Variants in RTN4IP1 observed in about 807,000 individuals in gnomAD.
The protein encoded by RTN4IP1 is reticulon 4 interacting protein 1.
Under a neutral mutation model 46.6 loss-of-function variants are expected in RTN4IP1, and 32 were observed. That is an observed-to-expected ratio of 0.69 (90% CI 0.52 to 0.92). The LOEUF (loss-of-function observed/expected upper bound fraction) is 0.92. RTN4IP1 is among the 40% of genes least tolerant of loss of function. The pLI is 0.00. For synonymous variants in RTN4IP1, 167 were observed against 161.8 expected (o/e 1.03, Z -0.24); for missense variants, 424 against 485.8 (o/e 0.87, Z 1.20).
chr6:106,607,619 T>C (rs868279088), intron 4 of RTN4IP1: 2 of 152,166 alleles, frequency 1.3e-5, no homozygotes, highest in Middle Eastern at 3.2e-3. Context: ...AGGCAAAATA[T>C]GCTGTACATC....
chr6:106,573,806 G>T (rs919472981), intron 8 of RTN4IP1, among the ~76,000 whole-genome samples: 22 of 152,164 alleles, frequency 1.4e-4, no homozygotes, highest in African/African-American at 5.1e-4. Flanking sequence ...TTAAAGGAAG[G>T]GAAAGGTAGC....
At chr6:106,619,163 A>T in intron 4 of RTN4IP1, 39 bp downstream of exon 4, 3 of 1,608,380 alleles carry the variant, frequency 1.9e-6, no homozygotes, top group Non-Finnish European at 2.5e-6. Flanking sequence ...AGAAGGAAAG[A>T]AAAGAGGTTT....
chr6:106,610,045 A>G (rs1398809029), intron 4 of RTN4IP1, among the ~76,000 whole-genome samples: 2 of 151,554 alleles, frequency 1.3e-5, no homozygotes, highest in African/African-American at 4.9e-5. Context: ...CAAAGTCCCC[A>G]AAAAGAGAGT....
intron 8 of RTN4IP1, among the ~76,000 whole-genome samples, chr6:106,575,238 AAC>A (rs1191324089): frequency 6.6e-6 from 1 of 152,220 alleles, no homozygotes; most frequent in Admixed American, 6.5e-5. Context: ...GGGCAGGCTC[AAC>A]ACCATGCTTC....
intron 5 of RTN4IP1, among the ~76,000 whole-genome samples, chr6:106,595,734 G>C (rs1433862253): frequency 1.3e-5 from 2 of 152,144 alleles, no homozygotes; most frequent in Non-Finnish European, 2.9e-5. Flanking sequence ...TTGACCTGAG[G>C]TGATCTGCCC....
rs1775519472 is a variant in RTN4IP1, at chr6:106,587,690, T to C, written c.979A>G (p.Lys327Glu). ...MLQTGVTVGS[K>E]ALKHFWKGVH... is the part of the protein sequence containing the mutation. ...ACCCTTCTTCCTACCTTTAATGCCT[T>C]TGAACCTACAGTGACTCCTGTCTGC... The change falls in exon 7 of 9, where the codon AAG becomes GAG. Residue 327 changes from lysine (K) to glutamate (E), a missense_variant. Transcript: ENST00000369063. The C allele has an allele frequency of 6.8e-6, 11 of 1,611,586 alleles. No homozygotes were observed. In the East Asian group the frequency reaches 2.5e-4, roughly 36 times the overall value.
intron 5 of RTN4IP1, among the ~76,000 whole-genome samples, chr6:106,594,675 A>G (rs2114645000): frequency 6.6e-6 from 1 of 152,294 alleles, no homozygotes; most frequent in Admixed American, 6.5e-5. Flanking sequence ...TCTGATTTTT[A>G]TAGTAATCAC....
chr6:106,618,682 G>C (rs538286744), intron 4 of RTN4IP1, among the ~76,000 whole-genome samples: 1 of 152,264 alleles, frequency 6.6e-6, no homozygotes, highest in African/African-American at 2.4e-5. Flanking sequence ...AAGGCATTGG[G>C]GAATCAGAAT....
intron 8 of RTN4IP1, 136 bp from the exon 9 acceptor site, chr6:106,572,239 A>G (rs999800161): frequency 7.2e-6 from 5 of 690,224 alleles, no homozygotes; most frequent in Admixed American, 5.1e-5. Context: ...GACCCAGGTC[A>G]GGCTCTCACA....
intron 7 of RTN4IP1, among the ~76,000 whole-genome samples, chr6:106,586,519 C>T (rs1454256775): frequency 6.6e-6 from 1 of 151,932 alleles, no homozygotes; most frequent in Non-Finnish European, 1.5e-5. Flanking sequence ...TACAGGTATA[C>T]ACCAACATAC....
intron 7 of RTN4IP1, among the ~76,000 whole-genome samples, chr6:106,586,480 T>A (rs1775487285): frequency 6.6e-6 from 1 of 152,032 alleles, no homozygotes; most frequent in Admixed American, 6.6e-5. Flanking sequence ...CAAACCATCC[T>A]CTGGCCTCAG....
At chr6:106,616,540 G>T (rs1776361926) in intron 4 of RTN4IP1, among the ~76,000 whole-genome samples, 1 of 151,112 alleles carries the variant, frequency 6.6e-6, no homozygotes, top group Admixed American at 6.6e-5. Flanking sequence ...GATGTGCTTT[G>T]TGCAGACTAA....
At position 106,589,883 on chromosome 6, in the gene RTN4IP1, C is replaced by T. The variant is rs577564901; in HGVS notation, c.807-2021G>A. On this transcript the variant is annotated intron_variant, in intron 6 of 8. Transcript: ENST00000369063. ...GTTCCCCCTACTAGAAAAGTACAAGCGAAAGGAGCAAGACCACTTGCCAGG... is the reference window on the plus strand; with the variant it reads ...GTTCCCCCTACTAGAAAAGTACAAGTGAAAGGAGCAAGACCACTTGCCAGG... Among the ~76,000 whole-genome samples, 9 of 152,294 alleles carry T rather than the reference C, an allele frequency of 5.9e-5. No homozygotes were observed. The South Asian group carries it at 1.2e-3, about 21-fold the overall frequency.
chr6:106,604,478 T>C (rs1387539895), intron 4 of RTN4IP1, among the ~76,000 whole-genome samples: 1 of 152,176 alleles, frequency 6.6e-6, no homozygotes, highest in Admixed American at 6.5e-5. Flanking sequence ...CGAAGGTCTC[T>C]CTGACCTTCT....
In RTN4IP1 at chr6:106,629,304, A is replaced by G. The variant is rs879497135; in HGVS notation, c.-283T>C. ...TCACCCCCTCCACTTTAAAAAAAAA[A>G]GGGGGGGCGGGGCATTAAAAAGCAG... is the stretch of plus-strand genomic sequence containing the variant. On this transcript the variant is annotated 5_prime_UTR_variant, in exon 1 of 9. Coordinates refer to ENST00000369063, the MANE Select transcript of RTN4IP1 (RefSeq NM_032730.5). The G allele has an allele frequency of 2.4e-4, 92 of 377,418 alleles. No individual in the cohort carries two copies. The highest frequency in any genetic ancestry group is 6.8e-4 in the Middle Eastern group (1 of 1,470). 23.4% of individuals were successfully genotyped at this position (377,418 alleles called of 1,614,324 possible).
intron 1 of RTN4IP1, 32 bp downstream of exon 1, chr6:106,628,716 A>T (rs549062483): frequency 1.2e-4 from 183 of 1,565,410 alleles, no homozygotes; most frequent in African/African-American, 3.6e-4. Context: ...TGATTTTTTT[A>T]AAAAAGGTAA....
intron 7 of RTN4IP1, among the ~76,000 whole-genome samples, chr6:106,584,731 C>T (rs1481679085): frequency 2.0e-5 from 3 of 152,142 alleles, no homozygotes; most frequent in Admixed American, 1.3e-4. Flanking sequence ...AAAAGTGAAA[C>T]TTACTGAGGA....
In RTN4IP1 at chr6:106,628,946, G is replaced by A. The variant is rs775475545; in HGVS notation, c.76C>T (p.Gln26Ter). ...AVCFWRSKVVQKPSVRRISTT... is the reference protein window; with the variant it reads ...AVCFWRSKVV Reference sequence around the variant, plus strand: ...CTAATCCTTCTAACTGAAGGCTTTTGGACAACTTTGCTTCTCCAGAAGCAA... The same window carrying A: ...CTAATCCTTCTAACTGAAGGCTTTTAGACAACTTTGCTTCTCCAGAAGCAA... The change falls in exon 1 of 9, where the codon CAA (glutamine) becomes TAA (stop). Residue 26 changes from glutamine (Q) to a stop codon, truncating the protein, a stop_gained. Coordinates refer to ENST00000369063, the MANE Select transcript of RTN4IP1 (RefSeq NM_032730.5). LOFTEE classifies it high-confidence loss of function. 8 of 1,613,892 alleles carry A rather than the reference G, an allele frequency of 5.0e-6. No individual in the cohort carries two copies. Among genetic ancestry groups the A allele is most frequent in the Non-Finnish European group, 6.8e-6 (8 of 1,179,964 alleles).
In RTN4IP1 at chr6:106,587,994, A is replaced by G. The variant is rs1434200427; in HGVS notation, c.807-132T>C. 4.2e-6 allele frequency: 3 copies of G among 716,676 alleles called. No individual in the cohort carries two copies. The African/African-American group carries it at 5.4e-5, about 13-fold the overall frequency. 44.4% of individuals were successfully genotyped at this position (716,676 alleles called of 1,614,324 possible). A position where few individuals can be genotyped will look rare whatever the true frequency, so the allele number is the denominator to read the frequency against. The stretch of plus-strand genomic sequence containing the variant: ...ATCTTAAACTGTGCTGCACCTCGCC[A>G]TCCTGCAGAGGGGTGGCTGCTTTGA... On this transcript the variant is annotated intron_variant, in intron 6 of 8. Coordinates refer to ENST00000369063, the MANE Select transcript of RTN4IP1 (RefSeq NM_032730.5).
Sources: gnomAD v4.1 joint callset for allele counts (sites outside exome capture counted in the v4.1 genomes callset) on GRCh38, gnomAD v4.1.1 for gene constraint, MANE v1.5 for transcripts, NCBI Gene and HGNC (gene_info 2026-07-23, HGNC 2026-07-21) for gene names.